CLOCK: variants seen among roughly 807,000 people sequenced by gnomAD.
CLOCK encodes the protein circadian locomoter output cycles protein kaput.
CLOCK carries 43 observed loss-of-function variants against 118.4 expected under a neutral mutation model. The ratio of observed to expected loss-of-function variants is 0.36; its 90% CI spans 0.28 to 0.47. The LOEUF (loss-of-function observed/expected upper bound fraction) is 0.47, where lower values mean the gene tolerates loss of function less well. CLOCK is among the 20% of genes least tolerant of loss of function. CLOCK has a pLI of 1.00. For synonymous variants in CLOCK, 326 were observed against 339.2 expected (o/e 0.96, Z 0.43); for missense variants, 846 against 999.9 (o/e 0.85, Z 2.08).
chr4:55,496,272 A>AC (rs1308382370), intron 2 of CLOCK, among the ~76,000 whole-genome samples: 2 of 134,452 alleles, frequency 1.5e-5, no homozygotes, highest in South Asian at 2.6e-4. Flanking sequence ...CTTTAAAAAG[A>AC]AAAAAAAAAC....
At chr4:55,491,620 G>A (rs756917422) in intron 2 of CLOCK, among the ~76,000 whole-genome samples, 1 of 152,080 alleles carries the variant, frequency 6.6e-6, no homozygotes, top group Non-Finnish European at 1.5e-5. Flanking sequence ...CACGAAGGCT[G>A]AATCATGAAT....
chr4:55,446,483 A>G (rs900561282), intron 18 of CLOCK, among the ~76,000 whole-genome samples: 1 of 152,188 alleles, frequency 6.6e-6, no homozygotes, highest in African/African-American at 2.4e-5. Flanking sequence ...AGAATTACCC[A>G]AAGTTGCAAA....
rs1429575052 is a variant in CLOCK at position 55,432,107 on chromosome 4, G to A, written c.*3308C>T. On this transcript the variant is annotated 3_prime_UTR_variant, in exon 23 of 23. Coordinates refer to ENST00000513440, the MANE Select transcript of CLOCK (RefSeq NM_004898.4). ...TAAGCCAGATATAAATGACAAAGGA[G>A]AGCACAGCACTGTCAAGTTACCCCC... The A allele has an allele frequency of 6.6e-6, 1 of 152,148 alleles. No homozygotes were observed. The highest frequency in any genetic ancestry group is 2.4e-5 in the African/African-American group (1 of 41,426). The allele number at this position is 152,148 out of a possible 1,614,324, so 9.4% of individuals were successfully genotyped here. A position where few individuals can be genotyped will look rare whatever the true frequency, so the allele number is the denominator to read the frequency against.
chr4:55,502,179 A>AAATCC (rs1728489467), intron 2 of CLOCK, among the ~76,000 whole-genome samples: 1 of 152,214 alleles, frequency 6.6e-6, no homozygotes, highest in East Asian at 1.9e-4. Context: ...AAGCTAGACA[A>AAATCC]AATCCAATCA....
intron 2 of CLOCK, among the ~76,000 whole-genome samples, chr4:55,491,034 A>C (rs773491018): frequency 3.3e-5 from 5 of 152,156 alleles, no homozygotes; most frequent in Admixed American, 6.5e-5. Context: ...TAGAAAATTC[A>C]TAAGCAGATG....
intron 17 of CLOCK, 150 bp from the exon 18 acceptor site, chr4:55,449,018 T>C: frequency 1.5e-6 from 1 of 669,506 alleles, no homozygotes; most frequent in South Asian, 1.8e-5. Context: ...TTCTCATCTA[T>C]ATTGGAAAGG....
At chr4:55,453,008 T>C (rs369305240) in intron 15 of CLOCK, 46 bp downstream of exon 15, 217 of 1,318,142 alleles carry the variant, frequency 1.6e-4, no homozygotes, top group Non-Finnish European at 2.0e-4. Flanking sequence ...TCATCTTTTA[T>C]TGGGGAGAAA....
chr4:55,456,533 G>T, intron 11 of CLOCK, among the ~76,000 whole-genome samples: 1 of 152,048 alleles, frequency 6.6e-6, no homozygotes, highest in East Asian at 1.9e-4. Flanking sequence ...ACGGTGGCGG[G>T]CACCTGTAAT....
intron 4 of CLOCK, 118 bp downstream of exon 4, chr4:55,482,621 G>T: frequency 3.1e-6 from 2 of 654,234 alleles, no homozygotes; most frequent in Non-Finnish European, 2.6e-6. Flanking sequence ...GAAACTGAAT[G>T]CAATAGTAAT....
At position 55,543,635 on chromosome 4, in the gene CLOCK, C is replaced by T. The variant is rs1731423797; in HGVS notation, c.-290+3147G>A. On this transcript the variant is annotated intron_variant, in intron 1 of 22. Transcript: ENST00000513440. ...TTAACTTTTTATGAGCATCAATTTA[C>T]TTCTGTAATTTTAAAAATAAGAGTC... Among the ~76,000 whole-genome samples, 3 of 143,448 alleles carry T rather than the reference C, an allele frequency of 2.1e-5. No homozygotes were observed. The South Asian group carries it at 6.5e-4, about 31-fold the overall frequency. The allele number at this position is 143,448 out of a possible 152,430, so 94.1% of individuals were successfully genotyped here. A position where few individuals can be genotyped will look rare whatever the true frequency, so the allele number is the denominator to read the frequency against.
rs796842746 is a variant in CLOCK, at chr4:55,433,759, G to A, written c.*1656C>T. ...AATGTTTTTTAAATGTATGTAACTT[G>A]TATTGGAATTTATTACTTTTAGAAT... is the stretch of plus-strand genomic sequence containing the variant. On this transcript the variant is annotated 3_prime_UTR_variant, in exon 23 of 23. Coordinates refer to ENST00000513440, the MANE Select transcript of CLOCK (RefSeq NM_004898.4). 54 of 152,018 alleles carry A rather than the reference G, an allele frequency of 3.6e-4. No homozygotes were observed. Among genetic ancestry groups the A allele is most frequent in the African/African-American group, 1.3e-3 (52 of 41,408 alleles). The allele number at this position is 152,018 out of a possible 1,614,324, so 9.4% of individuals were successfully genotyped here.
intron 1 of CLOCK, among the ~76,000 whole-genome samples, chr4:55,542,013 T>C (rs1731300349): frequency 6.7e-6 from 1 of 149,758 alleles, no homozygotes; most frequent in Admixed American, 6.7e-5. Flanking sequence ...AATTTTCTTA[T>C]AAAATCTATC....
intron 2 of CLOCK, among the ~76,000 whole-genome samples, chr4:55,495,285 T>C (rs1203403460): frequency 2.0e-5 from 3 of 152,160 alleles, no homozygotes; most frequent in African/African-American, 4.8e-5. Flanking sequence ...CGTTAAAATA[T>C]CCTATTTCCT....
chr4:55,516,564 C>G (rs958733417), intron 1 of CLOCK, among the ~76,000 whole-genome samples: 6 of 152,124 alleles, frequency 3.9e-5, no homozygotes, highest in Admixed American at 2.6e-4. Context: ...TTTCTCCATC[C>G]ATTTTCTTTT....
chr4:55,459,666 TTTC>T (rs997052264), intron 9 of CLOCK, among the ~76,000 whole-genome samples: 4 of 152,166 alleles, frequency 2.6e-5, no homozygotes, highest in East Asian at 1.9e-4. Flanking sequence ...GGGTCCTTAC[TTTC>T]TTCTTTTTTT....
chr4:55,505,275 G>A (rs900342480), intron 2 of CLOCK, among the ~76,000 whole-genome samples: 1 of 151,510 alleles, frequency 6.6e-6, no homozygotes, highest in African/African-American at 2.4e-5. Context: ...CAAAGTATAT[G>A]TAAAAGCAGT....
At chr4:55,531,931 C>T (rs538101231) in intron 1 of CLOCK, among the ~76,000 whole-genome samples, 5 of 148,412 alleles carry the variant, frequency 3.4e-5, no homozygotes, top group East Asian at 2.0e-4. Flanking sequence ...ACAAAAAAAA[C>T]CCCAGCAAAC....
chr4:55,436,952 T>C (rs560797219), intron 22 of CLOCK, among the ~76,000 whole-genome samples: 136 of 146,482 alleles, frequency 9.3e-4, no homozygotes, highest in African/African-American at 3.0e-3. Flanking sequence ...TTCCTTGACA[T>C]ACTTAGAAGA....
chr4:55,514,881 A>G (rs1412925544), intron 1 of CLOCK, among the ~76,000 whole-genome samples: 1 of 152,184 alleles, frequency 6.6e-6, no homozygotes, highest in African/African-American at 2.4e-5. Flanking sequence ...GGATTAGAGT[A>G]ATACTGGCCT....
Sources: allele counts gnomAD v4.1 joint callset (sites outside exome capture counted in the v4.1 genomes callset), GRCh38; gene constraint gnomAD v4.1.1; transcripts MANE v1.5; gene names NCBI Gene and HGNC (gene_info 2026-07-23, HGNC 2026-07-21).